The following GPM6A variants were observed in gnomAD, a reference collection of about 807,000 sequenced individuals.
The protein encoded by GPM6A is glycoprotein M6A, also known as neuronal membrane glycoprotein M6-a.
A neutral mutation model predicts 32.1 loss-of-function variants in GPM6A; 7 were observed. The observed-to-expected ratio is 0.22, with a 90% CI of 0.12 to 0.41. The LOEUF (loss-of-function observed/expected upper bound fraction) is 0.41, where lower values mean the gene tolerates loss of function less well. Among genes scored for constraint, GPM6A ranks in the 10% least tolerant of loss-of-function variants. The probability of loss-of-function intolerance (pLI) is 1.00; values close to 1 mark genes in which losing one functional copy is unlikely to be tolerated. For synonymous variants in GPM6A, 130 were observed against 123.4 expected (o/e 1.05, Z -0.35); for missense variants, 235 against 347.2 (o/e 0.68, Z 2.57).
In GPM6A at chr4:175,968,089, C is replaced by T. The variant is rs76260421; in HGVS notation, c.-23+34220G>A. 3.5e-3 allele frequency among the ~76,000 whole-genome samples: 531 copies of T among 151,696 alleles called. 3 individuals are homozygous for T. Among genetic ancestry groups the T allele is most frequent in the African/African-American group, 0.012 (503 of 41,364 alleles). On this transcript the variant is annotated intron_variant, in intron 1 of 7. Transcript: ENST00000280187. ...AGAATAGACAAATAAATCAATGGAA[C>T]GGAATCGAGAGCGTAGTAATAGAAC...
At chr4:175,829,250 G>A (rs917751975) in intron 1 of GPM6A, among the ~76,000 whole-genome samples, 1 of 152,134 alleles carries the variant, frequency 6.6e-6, no homozygotes, top group East Asian at 1.9e-4. Context: ...TAAACTTTTT[G>A]TACATCTAAA....
At chr4:175,943,144 T>C (rs1739469886) in intron 1 of GPM6A, among the ~76,000 whole-genome samples, 1 of 152,216 alleles carries the variant, frequency 6.6e-6, no homozygotes, top group Non-Finnish European at 1.5e-5. Context: ...TTTGTAGCAA[T>C]TGTGAATGGG....
intron 1 of GPM6A, among the ~76,000 whole-genome samples, chr4:175,994,833 A>T (rs1424024259): frequency 5.9e-5 from 9 of 152,350 alleles, no homozygotes; most frequent in East Asian, 5.8e-4. Flanking sequence ...CTCATAGTAG[A>T]ACTTTCAAAA....
intron 1 of GPM6A, among the ~76,000 whole-genome samples, chr4:175,824,565 T>C (rs910668068): frequency 6.6e-6 from 1 of 152,224 alleles, no homozygotes; most frequent in African/African-American, 2.4e-5. Context: ...GTATGTCTGA[T>C]ATCCATTTCC....
At chr4:175,769,561 AC>A (rs1168439880) in intron 1 of GPM6A, among the ~76,000 whole-genome samples, 1 of 144,210 alleles carries the variant, frequency 6.9e-6, no homozygotes, top group East Asian at 1.9e-4. Context: ...TGATCCAAAC[AC>A]CCCCGAATGA....
At chr4:175,694,510 G>A (rs1366673592) in intron 2 of GPM6A, among the ~76,000 whole-genome samples, 1 of 152,142 alleles carries the variant, frequency 6.6e-6, no homozygotes, top group Non-Finnish European at 1.5e-5. Flanking sequence ...TTATGTCTCT[G>A]CTCTAGAGAT....
At position 175,684,621 on chromosome 4, in the gene GPM6A, T is replaced by A. The variant is rs573475103; in HGVS notation, c.231-10785A>T. On this transcript the variant is annotated intron_variant, in intron 2 of 6. Coordinates refer to ENST00000393658, the MANE Select transcript of GPM6A (RefSeq NM_201591.3). ...TGGCTGTCCAGTTGTTCCAACATCA[T>A]TTATTCAAAAGATCATCTTTGCTGC... Among the ~76,000 whole-genome samples, 180 of 152,286 alleles carry A rather than the reference T, an allele frequency of 1.2e-3. 2 individuals carry two copies. Among genetic ancestry groups the A allele is most frequent in the Non-Finnish European group, 8.8e-5 (6 of 68,000 alleles).
chr4:175,986,824 T>C (rs150477025), intron 1 of GPM6A, among the ~76,000 whole-genome samples: 2,728 of 152,300 alleles, frequency 0.018, 46 homozygotes, highest in Non-Finnish European at 0.026. Flanking sequence ...AATTGAGCTC[T>C]TGTTGATCAA....
chr4:175,750,997 C>A (rs1029247530), intron 1 of GPM6A, among the ~76,000 whole-genome samples: 1 of 152,030 alleles, frequency 6.6e-6, no homozygotes, highest in Non-Finnish European at 1.5e-5. Context: ...ATATGTGTTG[C>A]CTTCTCAGTA....
intron 1 of GPM6A, among the ~76,000 whole-genome samples, chr4:175,854,149 G>A (rs974192155): frequency 1.8e-4 from 28 of 152,306 alleles, no homozygotes; most frequent in African/African-American, 6.7e-4. Flanking sequence ...GCACAAGATA[G>A]CAGAAGATAA....
At position 175,633,958 on chromosome 4, in the gene GPM6A, T is replaced by G. The variant is rs2110853232; in HGVS notation, c.*947A>C. The G allele has an allele frequency of 6.6e-6, 1 of 152,596 alleles. No homozygotes were observed. The highest frequency in any genetic ancestry group is 1.5e-5 in the Non-Finnish European group (1 of 67,950). The allele number at this position is 152,596 out of a possible 1,614,324, so 9.5% of individuals were successfully genotyped here. A position where few individuals can be genotyped will look rare whatever the true frequency, so the allele number is the denominator to read the frequency against. On this transcript the variant is annotated 3_prime_UTR_variant, in exon 7 of 7. Coordinates refer to ENST00000393658, the MANE Select transcript of GPM6A (RefSeq NM_201591.3). ...GTGCAATCCATTAAAACTTTTAAAG[T>G]AGGTAAAACAACTTCCGAGGGGTTA... is the stretch of plus-strand genomic sequence containing the variant.
chr4:175,787,545 C>T (rs1733850190), intron 1 of GPM6A: 2 of 1,415,248 alleles, frequency 1.4e-6, no homozygotes, highest in South Asian at 3.1e-5. Flanking sequence ...ATCAACATCA[C>T]CAATGATTAC....
At chr4:175,790,830 C>T (rs1465176968) in intron 1 of GPM6A, among the ~76,000 whole-genome samples, 2 of 151,994 alleles carry the variant, frequency 1.3e-5, no homozygotes, top group Non-Finnish European at 2.9e-5. Context: ...TTTGTTCGTT[C>T]TTTTAGGGAG....
chr4:175,673,066 C>G lies in GPM6A; in HGVS notation c.387+614G>C, dbSNP rs557712496. Among the ~76,000 whole-genome samples the G allele has an allele frequency of 5.9e-5, 9 of 152,174 alleles. No homozygotes were observed. In the East Asian group the frequency reaches 1.7e-3, roughly 29 times the overall value. ...AGAATGGAAGCTTCAACATTTCATT[C>G]TAGAAAAATTATTCTGTATAAAAGT... On this transcript the variant is annotated intron_variant, in intron 3 of 6. Coordinates refer to ENST00000393658, the MANE Select transcript of GPM6A (RefSeq NM_201591.3).
chr4:175,750,615 AAGGCTAGAGTGTG>A (rs1732295570), intron 1 of GPM6A, among the ~76,000 whole-genome samples: 1 of 59,106 alleles, frequency 1.7e-5, no homozygotes, highest in Non-Finnish European at 5.0e-5. Context: ...CTCTGTCGCC[AAGGCTAGAGTGTG>A]GTGGACCAAT....
chr4:175,828,402 C>T (rs1014234651), intron 1 of GPM6A, among the ~76,000 whole-genome samples: 1 of 152,136 alleles, frequency 6.6e-6, no homozygotes, highest in Non-Finnish European at 1.5e-5. Flanking sequence ...TCCATGGCCT[C>T]ATTTTTAAAT....
At chr4:175,638,671 G>A (rs932277082) in intron 6 of GPM6A, among the ~76,000 whole-genome samples, 1 of 152,040 alleles carries the variant, frequency 6.6e-6, no homozygotes, top group African/African-American at 2.4e-5. Context: ...GCACATATAT[G>A]TAGCAAATGC....
At chr4:175,951,262 G>T (rs113616447) in intron 1 of GPM6A, among the ~76,000 whole-genome samples, 267 of 152,316 alleles carry the variant, frequency 1.8e-3, no homozygotes, top group African/African-American at 6.1e-3. Flanking sequence ...AGTATTTCAT[G>T]TGAAAATACT....
At chr4:175,945,688 ACT>A in intron 1 of GPM6A, among the ~76,000 whole-genome samples, 2 of 144,628 alleles carry the variant, frequency 1.4e-5, no homozygotes, top group South Asian at 2.2e-4. Flanking sequence ...AAGTAATATA[ACT>A]TATATTACTT....
Sources: gnomAD v4.1 joint callset for allele counts (sites outside exome capture counted in the v4.1 genomes callset) on GRCh38, gnomAD v4.1.1 for gene constraint, MANE v1.5 for transcripts, NCBI Gene and HGNC (gene_info 2026-07-23, HGNC 2026-07-21) for gene names.